Variants in ROBO1 observed in about 807,000 individuals in gnomAD.
ROBO1 encodes roundabout homolog 1.
ROBO1 carries 149 observed loss-of-function variants against 195.9 expected under a neutral mutation model. The ratio of observed to expected loss-of-function variants is 0.76; its 90% CI spans 0.67 to 0.87. The LOEUF (loss-of-function observed/expected upper bound fraction) is 0.87, where lower values mean the gene tolerates loss of function less well. Among genes scored for constraint, ROBO1 ranks in the 40% least tolerant of loss-of-function variants. ROBO1 has a pLI of 0.00. For missense variants in ROBO1, 1,933 were observed against 2,068.3 expected, an observed-to-expected ratio of 0.93 and a Z score of 1.27; for synonymous variants, 816 against 733.2, an observed-to-expected ratio of 1.11 and a Z score of -1.82.
intron 2 of ROBO1, among the ~76,000 whole-genome samples, chr3:79,434,476 T>A (rs1225569841): frequency 6.6e-6 from 1 of 152,128 alleles, no homozygotes; most frequent in Non-Finnish European, 1.5e-5. Flanking sequence ...ATGCTCAACA[T>A]CACTGGCCAT....
In ROBO1 at chr3:79,021,978, G is replaced by T. The variant is rs116047286; in HGVS notation, c.173-83051C>A. ...CGCCCGGCCTAGAGATGATATTTCC[G>T]AGGACAGTCAGCAGTAAGTATCTTC... On this transcript the variant is annotated intron_variant, in intron 3 of 30. Coordinates refer to ENST00000464233, the MANE Select transcript of ROBO1 (RefSeq NM_002941.4). 3.6e-3 allele frequency among the ~76,000 whole-genome samples: 549 copies of T among 152,212 alleles called. 7 individuals carry two copies. Among genetic ancestry groups the T allele is most frequent in the African/African-American group, 0.012 (509 of 41,538 alleles).
intron 4 of ROBO1, among the ~76,000 whole-genome samples, chr3:78,752,174 T>TTTTG (rs61640999): frequency 0.26 from 40,202 of 151,918 alleles, 5,503 homozygotes; most frequent in East Asian, 0.51. Flanking sequence ...TACATAGTCA[T>TTTTG]AGTACAGAAA....
chr3:78,817,247 C>T (rs2030132750), intron 4 of ROBO1, among the ~76,000 whole-genome samples: 1 of 152,166 alleles, frequency 6.6e-6, no homozygotes, highest in Admixed American at 6.5e-5. Flanking sequence ...CAGCCATCAA[C>T]ATCAAGACAA....
At chr3:79,535,317 A>G (rs1352251001) in intron 2 of ROBO1, among the ~76,000 whole-genome samples, 1 of 152,158 alleles carries the variant, frequency 6.6e-6, no homozygotes, top group East Asian at 1.9e-4. Flanking sequence ...ATTTTCCACA[A>G]CACTCTGCAG....
At chr3:78,726,666 G>C (rs2082169188) in intron 5 of ROBO1, among the ~76,000 whole-genome samples, 1 of 152,104 alleles carries the variant, frequency 6.6e-6, no homozygotes, top group South Asian at 2.1e-4. Flanking sequence ...CTAGAGAATA[G>C]AGAGCAAGCT....
At chr3:78,755,835 A>G (rs1358563320) in intron 4 of ROBO1, among the ~76,000 whole-genome samples, 4 of 152,190 alleles carry the variant, frequency 2.6e-5, no homozygotes, top group Non-Finnish European at 4.4e-5. Context: ...GAGAGTATAG[A>G]GTCTGATATG....
At chr3:79,492,439 A>C (rs1029588751) in intron 2 of ROBO1, among the ~76,000 whole-genome samples, 2 of 151,084 alleles carry the variant, frequency 1.3e-5, no homozygotes, top group Non-Finnish European at 3.0e-5. Context: ...AAAAAAAAAA[A>C]AAAAAAAGAG....
intron 4 of ROBO1, among the ~76,000 whole-genome samples, chr3:78,866,947 C>G (rs2035220655): frequency 6.6e-6 from 1 of 152,130 alleles, no homozygotes; most frequent in Non-Finnish European, 1.5e-5. Context: ...TGTAATAGAT[C>G]CATTTGTGCT....
chr3:78,614,817 A>C lies in ROBO1; in HGVS notation c.4283-17T>G. On this transcript the variant is annotated splice_polypyrimidine_tract_variant and intron_variant, in intron 27 of 30. Coordinates refer to ENST00000464233, the MANE Select transcript of ROBO1 (RefSeq NM_002941.4). Reference sequence around the variant, plus strand: ...GTCGACGGCCTAAGGAGAAAAAAAAAAAAAATCCAAGCCAAACTCATCAGT... The same window carrying C: ...GTCGACGGCCTAAGGAGAAAAAAAACAAAAATCCAAGCCAAACTCATCAGT... 6.4e-7 allele frequency: 1 copy of C among 1,569,860 alleles called. No homozygotes were observed. The highest frequency in any genetic ancestry group is 1.2e-5 in the South Asian group (1 of 84,008).
At chr3:79,616,711 T>G (rs2107951612) in intron 1 of ROBO1, among the ~76,000 whole-genome samples, 1 of 152,206 alleles carries the variant, frequency 6.6e-6, no homozygotes, top group East Asian at 1.9e-4. Context: ...TCTCACCCCC[T>G]TATCCACTGC....
At chr3:79,195,025 A>C (rs1017006570) in intron 2 of ROBO1, among the ~76,000 whole-genome samples, 7 of 151,762 alleles carry the variant, frequency 4.6e-5, no homozygotes, top group South Asian at 2.1e-4. Flanking sequence ...GTCTCTGTTA[A>C]CACATCAAAA....
chr3:78,851,117 A>G (rs151115942), intron 4 of ROBO1, among the ~76,000 whole-genome samples: 1 of 151,762 alleles, frequency 6.6e-6, no homozygotes, highest in Non-Finnish European at 1.5e-5. Context: ...CACACCTATC[A>G]TTTTCTTTGT....
intron 4 of ROBO1, among the ~76,000 whole-genome samples, chr3:78,847,102 C>T (rs748748351): frequency 6.6e-6 from 1 of 152,054 alleles, no homozygotes; most frequent in Non-Finnish European, 1.5e-5. Context: ...CAAATCTAGG[C>T]TCCAGGCTGC....
intron 2 of ROBO1, among the ~76,000 whole-genome samples, chr3:79,149,546 T>TTG (rs1559695392): frequency 1.2e-3 from 162 of 130,888 alleles, no homozygotes; most frequent in African/African-American, 4.2e-3. Context: ...TGTTGTTGTT[T>TTG]TTGTCTTTCA....
intron 1 of ROBO1, among the ~76,000 whole-genome samples, chr3:79,733,199 A>C (rs1287157586): frequency 6.6e-6 from 1 of 152,186 alleles, no homozygotes; most frequent in Non-Finnish European, 1.5e-5. Flanking sequence ...TTTTTCATCT[A>C]GATTGGACTC....
chr3:79,244,298 T>C (rs761828791), intron 2 of ROBO1, among the ~76,000 whole-genome samples: 1 of 152,124 alleles, frequency 6.6e-6, no homozygotes, highest in Non-Finnish European at 1.5e-5. Flanking sequence ...ATTGCCCATA[T>C]AGGCACTTAA....
intron 1 of ROBO1, among the ~76,000 whole-genome samples, chr3:79,591,218 T>A (rs886781781): frequency 5.1e-4 from 77 of 151,908 alleles, no homozygotes; most frequent in African/African-American, 1.8e-3. Flanking sequence ...GTTCTAACAG[T>A]TATTTTTGTG....
At chr3:79,474,929 T>C (rs1017474846) in intron 2 of ROBO1, among the ~76,000 whole-genome samples, 2 of 152,044 alleles carry the variant, frequency 1.3e-5, no homozygotes, top group Admixed American at 1.3e-4. Context: ...TGTTCCTTAA[T>C]TGCTAGGTGA....
intron 4 of ROBO1, among the ~76,000 whole-genome samples, chr3:78,908,524 G>A (rs1312761454): frequency 6.6e-6 from 1 of 151,934 alleles, no homozygotes; most frequent in Non-Finnish European, 1.5e-5. Context: ...GCTGGTTATA[G>A]AAAAATTACT....
Sources: allele counts gnomAD v4.1 joint callset (sites outside exome capture counted in the v4.1 genomes callset), GRCh38; gene constraint gnomAD v4.1.1; transcripts MANE v1.5; gene names NCBI Gene and HGNC (gene_info 2026-07-23, HGNC 2026-07-21).